The following HEATR5B variants were observed in gnomAD, a reference collection of about 807,000 sequenced individuals.
The protein encoded by HEATR5B is HEAT repeat-containing protein 5B.
HEATR5B carries 156 observed loss-of-function variants against 224.1 expected under a neutral mutation model. The observed-to-expected ratio is 0.70, with a 90% CI of 0.61 to 0.80. The LOEUF is 0.80. Among genes scored for constraint, HEATR5B ranks in the 30% least tolerant of loss-of-function variants. The pLI, the probability that HEATR5B is intolerant of heterozygous loss-of-function variation, is 0.00. For missense variants in HEATR5B, 2,323 were observed against 2,535.5 expected (o/e 0.92, Z 1.80); for synonymous variants, 1,027 against 893.0 (o/e 1.15, Z -2.68).
chr2:36,992,944 C>T (rs889749869), intron 33 of HEATR5B, among the ~76,000 whole-genome samples: 13 of 151,814 alleles, frequency 8.6e-5, no homozygotes, highest in African/African-American at 1.5e-4. Context: ...CAGGAAAGTC[C>T]GAACTTCTGG....
At chr2:37,014,513 T>G (rs1446212001) in intron 26 of HEATR5B, among the ~76,000 whole-genome samples, 1 of 152,024 alleles carries the variant, frequency 6.6e-6, no homozygotes, top group East Asian at 1.9e-4. Context: ...TACTCCTACG[T>G]AGAAAACAAA....
intron 35 of HEATR5B, among the ~76,000 whole-genome samples, chr2:36,982,806 C>G (rs1167497932): frequency 6.8e-6 from 1 of 147,478 alleles, no homozygotes; most frequent in Non-Finnish European, 1.5e-5. Flanking sequence ...ATTGATATAT[C>G]CATCATCACT....
intron 18 of HEATR5B, 56 bp downstream of exon 18, chr2:37,049,597 A>AT (rs1001612067): frequency 4.9e-6 from 7 of 1,432,646 alleles, no homozygotes; most frequent in Non-Finnish European, 6.8e-6. Flanking sequence ...GTTGATTATT[A>AT]TTTAAAAGAC....
At chr2:37,081,088 C>A (rs1170422346) in intron 2 of HEATR5B, among the ~76,000 whole-genome samples, 1 of 152,156 alleles carries the variant, frequency 6.6e-6, no homozygotes, top group Non-Finnish European at 1.5e-5. Context: ...AGAATACTGA[C>A]CACTGTTCTG....
intron 21 of HEATR5B, 114 bp downstream of exon 21, chr2:37,037,741 A>C: frequency 3.4e-6 from 2 of 593,822 alleles, no homozygotes; most frequent in Non-Finnish European, 5.2e-6. Flanking sequence ...CTTGCATCAA[A>C]ATACCCCAAG....
At chr2:37,055,256 C>G (rs1373318595) in intron 16 of HEATR5B, 1 of 164,688 alleles carries the variant, frequency 6.1e-6, no homozygotes, top group South Asian at 1.4e-4. Context: ...ATTCACTTAT[C>G]CTCCTACTGT....
intron 13 of HEATR5B, 64 bp downstream of exon 13, chr2:37,058,824 T>C (rs1671073048): frequency 3.0e-6 from 3 of 996,686 alleles, no homozygotes; most frequent in Non-Finnish European, 1.5e-6. Context: ...GCACAAAATA[T>C]GGCTGAGAAG....
chr2:37,049,363 G>A (rs1670394433), intron 18 of HEATR5B, among the ~76,000 whole-genome samples: 1 of 152,154 alleles, frequency 6.6e-6, no homozygotes, highest in South Asian at 2.1e-4. Flanking sequence ...CCTCTTCAGT[G>A]AATACACATA....
intron 18 of HEATR5B, among the ~76,000 whole-genome samples, chr2:37,041,701 C>T (rs1162094729): frequency 2.6e-5 from 4 of 151,936 alleles, no homozygotes; most frequent in East Asian, 3.9e-4. Context: ...GCTGTGATCA[C>T]GCCACTGCAC....
At chr2:37,071,869 G>C (rs1046893030) in intron 6 of HEATR5B, among the ~76,000 whole-genome samples, 4 of 151,996 alleles carry the variant, frequency 2.6e-5, no homozygotes, top group Non-Finnish European at 5.9e-5. Flanking sequence ...ATTTTCAGTA[G>C]AGACGGGGTT....
intron 24 of HEATR5B, among the ~76,000 whole-genome samples, chr2:37,025,073 AGAG>A (rs1156575818): frequency 2.6e-5 from 4 of 152,236 alleles, no homozygotes; most frequent in Non-Finnish European, 5.9e-5. Context: ...TGAAGATGAT[AGAG>A]GAGAGCCTGA....
intron 33 of HEATR5B, among the ~76,000 whole-genome samples, chr2:36,996,673 C>T (rs1666739414): frequency 6.6e-6 from 1 of 152,028 alleles, no homozygotes; most frequent in Non-Finnish European, 1.5e-5. Context: ...CTCACCGCAG[C>T]CTCTGCATCC....
intron 33 of HEATR5B, among the ~76,000 whole-genome samples, chr2:36,999,548 G>A (rs190942045): frequency 5.3e-5 from 8 of 151,830 alleles, no homozygotes; most frequent in Admixed American, 3.3e-4. Flanking sequence ...GCACGGTTGC[G>A]CACACCTGTA....
At position 36,984,215 on chromosome 2, in the gene HEATR5B, AATATAT is replaced by A. The variant is rs60636196; in HGVS notation, c.5912-2427_5912-2422del. The stretch of plus-strand genomic sequence containing the variant: ...AACTCTGTCTCAAAAAAAAAAAAAA[AATATAT>A]ATATATATATATATATAAAACTGGA... On this transcript the variant is annotated intron_variant, in intron 35 of 35. Coordinates refer to ENST00000233099, the MANE Select transcript of HEATR5B (RefSeq NM_019024.3). Among the ~76,000 whole-genome samples, 491 of 76,784 alleles carry A rather than the reference AATATAT, an allele frequency of 6.4e-3. 4 individuals are homozygous for A. Among genetic ancestry groups the A allele is most frequent in the Middle Eastern group, 0.014 (2 of 140 alleles). The allele number at this position is 76,784 out of a possible 152,430, so 50.4% of individuals were successfully genotyped here.
chr2:36,982,782 T>A (rs1665665982), intron 35 of HEATR5B, among the ~76,000 whole-genome samples: 1 of 151,984 alleles, frequency 6.6e-6, no homozygotes, highest in South Asian at 2.1e-4. Context: ...ATAGATGTTA[T>A]ATCTACATCT....
intron 33 of HEATR5B, among the ~76,000 whole-genome samples, chr2:36,996,741 T>A (rs1468980090): frequency 6.6e-6 from 1 of 152,016 alleles, no homozygotes; most frequent in Non-Finnish European, 1.5e-5. Flanking sequence ...TACAGGCATG[T>A]GCCACCACGC....
intron 24 of HEATR5B, among the ~76,000 whole-genome samples, chr2:37,025,210 C>T (rs1396652821): frequency 6.6e-6 from 1 of 151,994 alleles, no homozygotes; most frequent in Non-Finnish European, 1.5e-5. Flanking sequence ...ATATGTCAGA[C>T]ACTGGAATCT....
Position 37,020,655 on chromosome 2 carries a change from A to G in HEATR5B, c.4035T>C (p.Asn1345=). The change falls in exon 25 of 36, where the codon AAT becomes AAC. Residue 1345 remains asparagine (N), a splice_region_variant and synonymous_variant. Transcript: ENST00000233099. ...TTCTTAAATAAATAGAAAATCTCAC[A>G]TTAGCCTGATACTGCTCCAGTATCA... ...GHVILEQYQA[N]VGAALRPAFS... The G allele has an allele frequency of 6.5e-7, 1 of 1,541,506 alleles. No homozygotes were observed. The highest frequency in any genetic ancestry group is 1.3e-5 in the South Asian group (1 of 79,650).
intron 28 of HEATR5B, 84 bp downstream of exon 28, chr2:37,008,527 G>A (rs1558723893): frequency 4.4e-6 from 4 of 915,538 alleles, no homozygotes; most frequent in Non-Finnish European, 1.8e-6. Context: ...TATAGCAACT[G>A]TTGTTGCTAG....
Sources: gnomAD v4.1 joint callset for allele counts (sites outside exome capture counted in the v4.1 genomes callset) on GRCh38, gnomAD v4.1.1 for gene constraint, MANE v1.5 for transcripts, NCBI Gene and HGNC (gene_info 2026-07-23, HGNC 2026-07-21) for gene names.